Variants in NRCAM observed in about 807,000 individuals in gnomAD.
The protein encoded by NRCAM is neuronal cell adhesion molecule.
Under a neutral mutation model 156.5 loss-of-function variants are expected in NRCAM, and 83 were observed. The observed-to-expected ratio is 0.53, with a 90% CI of 0.44 to 0.64. The LOEUF (loss-of-function observed/expected upper bound fraction) is 0.64. NRCAM is among the 30% of genes least tolerant of loss of function. The probability of loss-of-function intolerance (pLI) is 0.00; values close to 1 mark genes in which losing one functional copy is unlikely to be tolerated. For missense variants in NRCAM, 1,417 were observed against 1,597.3 expected, an observed-to-expected ratio of 0.89 and a Z score of 1.92; for synonymous variants, 538 against 563.9, an observed-to-expected ratio of 0.95 and a Z score of 0.65.
At chr7:108,252,015 A>C (rs1362148724) in intron 3 of NRCAM, among the ~76,000 whole-genome samples, 2 of 152,222 alleles carry the variant, frequency 1.3e-5, no homozygotes, top group African/African-American at 4.8e-5. Context: ...TACAAATGAA[A>C]GGATTGGGTA....
At chr7:108,423,974 C>T (rs1383832677) in intron 1 of NRCAM, among the ~76,000 whole-genome samples, 1 of 152,260 alleles carries the variant, frequency 6.6e-6, no homozygotes, top group South Asian at 2.1e-4. Context: ...GTTAATACCA[C>T]TGTCATCCCC....
chr7:108,389,564 T>C (rs1043105771), intron 2 of NRCAM, among the ~76,000 whole-genome samples: 5 of 152,204 alleles, frequency 3.3e-5, no homozygotes, highest in East Asian at 1.9e-4. Context: ...TCCTGCCTGA[T>C]TGCCCTGGGC....
At chr7:108,222,149 C>T (rs1001168116) in intron 11 of NRCAM, among the ~76,000 whole-genome samples, 1 of 152,130 alleles carries the variant, frequency 6.6e-6, no homozygotes, top group African/African-American at 2.4e-5. Flanking sequence ...TATAGTCAGA[C>T]TAATCTGCAT....
Position 108,201,667 on chromosome 7 carries a change from C to T in NRCAM, c.1208-3568G>A, listed in dbSNP as rs1345566549. Among the ~76,000 whole-genome samples, 3 of 152,188 alleles carry T rather than the reference C, an allele frequency of 2.0e-5. No individual in the cohort carries two copies. The East Asian group carries it at 5.8e-4, about 29-fold the overall frequency. On this transcript the variant is annotated intron_variant, in intron 13 of 32. Transcript: ENST00000379028. ...TAGGACAATTTTCCCCAAGTGGAGA[C>T]TCATCAGTCACAAACAAACCATGTC... is the stretch of plus-strand genomic sequence containing the variant.
In NRCAM at chr7:108,273,925, T is replaced by C. The variant is rs374806452; in HGVS notation, c.-106-33755A>G. 3.3e-5 allele frequency among the ~76,000 whole-genome samples: 5 copies of C among 152,338 alleles called. No homozygotes were observed. In the South Asian group the frequency reaches 1.0e-3, roughly 32 times the overall value. On this transcript the variant is annotated intron_variant, in intron 3 of 32. Transcript: ENST00000379028. Reference sequence around the variant, plus strand: ...ATCTTCAGTTAATTTTTGTGTAAGATGTAAGAAAGGGATCTAGTTTCAACT... The same window carrying C: ...ATCTTCAGTTAATTTTTGTGTAAGACGTAAGAAAGGGATCTAGTTTCAACT...
At chr7:108,281,328 C>T (rs1307171924) in intron 3 of NRCAM, among the ~76,000 whole-genome samples, 1 of 151,986 alleles carries the variant, frequency 6.6e-6, no homozygotes, top group African/African-American at 2.4e-5. Context: ...AATCCCAACA[C>T]TGTGGGCAAT....
intron 3 of NRCAM, among the ~76,000 whole-genome samples, chr7:108,261,069 G>A (rs1385161224): frequency 6.6e-6 from 1 of 152,134 alleles, no homozygotes. Flanking sequence ...AGGAGAAATG[G>A]TGGACAGAAA....
chr7:108,232,194 A>G, intron 7 of NRCAM, 132 bp downstream of exon 7: 1 of 670,174 alleles, frequency 1.5e-6, no homozygotes, highest in East Asian at 2.9e-5. Flanking sequence ...AATAACTTTC[A>G]TGCAAAACAA....
chr7:108,255,512 G>T (rs1370677287), intron 3 of NRCAM, among the ~76,000 whole-genome samples: 5 of 152,090 alleles, frequency 3.3e-5, no homozygotes, highest in Admixed American at 1.3e-4. Context: ...ATCTCGGCTC[G>T]CTACAACCTC....
chr7:108,433,243 C>T (rs1224473478), intron 1 of NRCAM, among the ~76,000 whole-genome samples: 2 of 152,104 alleles, frequency 1.3e-5, no homozygotes, highest in Admixed American at 6.5e-5. Context: ...GCCCCCACCC[C>T]GCAACCCAGC....
intron 2 of NRCAM, among the ~76,000 whole-genome samples, chr7:108,398,539 C>T (rs2099783365): frequency 6.6e-6 from 1 of 152,136 alleles, no homozygotes; most frequent in South Asian, 2.1e-4. Context: ...TCCTTTCACA[C>T]ATATGCCATA....
intron 13 of NRCAM, among the ~76,000 whole-genome samples, chr7:108,200,608 T>C (rs1437173149): frequency 1.3e-5 from 2 of 152,150 alleles, no homozygotes; most frequent in East Asian, 1.9e-4. Context: ...TCTCTGTCAG[T>C]GATTCTTAGC....
chr7:108,328,135 T>A (rs1316724381), intron 2 of NRCAM, among the ~76,000 whole-genome samples: 1 of 152,184 alleles, frequency 6.6e-6, no homozygotes, highest in Non-Finnish European at 1.5e-5. Context: ...CTAAAAATAT[T>A]CAAACCATAT....
intron 1 of NRCAM, among the ~76,000 whole-genome samples, chr7:108,402,797 T>C (rs1357745818): frequency 1.3e-5 from 2 of 152,198 alleles, no homozygotes; most frequent in African/African-American, 2.4e-5. Context: ...CCTTAGAGGC[T>C]GGTGGATGAC....
intron 3 of NRCAM, among the ~76,000 whole-genome samples, chr7:108,255,173 C>CCCTCCCCCT (rs373427692): frequency 9.1e-6 from 1 of 110,196 alleles, no homozygotes; most frequent in African/African-American, 4.8e-5. Flanking sequence ...CTCCCCCTCC[C>CCCTCCCCCT]CCCCCTGCCC....
At chr7:108,321,926 G>A (rs2099006470) in intron 2 of NRCAM, among the ~76,000 whole-genome samples, 1 of 152,160 alleles carries the variant, frequency 6.6e-6, no homozygotes, top group Admixed American at 6.5e-5. Flanking sequence ...TAAACCAGAT[G>A]TAAAGACAGG....
intron 2 of NRCAM, among the ~76,000 whole-genome samples, chr7:108,344,994 A>T (rs2099338961): frequency 6.6e-6 from 1 of 152,222 alleles, no homozygotes; most frequent in Admixed American, 6.5e-5. Flanking sequence ...ATAGAATAGG[A>T]TTCAACTCAA....
intron 3 of NRCAM, among the ~76,000 whole-genome samples, chr7:108,295,668 C>A (rs1465753958): frequency 6.6e-6 from 1 of 152,228 alleles, no homozygotes; most frequent in Non-Finnish European, 1.5e-5. Context: ...CAAACATTCA[C>A]CTCATAGCAT....
rs754251022 is a variant in NRCAM, at chr7:108,168,305, G to A, written c.3285C>T (p.Asn1095=). 2.5e-6 allele frequency: 4 copies of A among 1,600,540 alleles called. No homozygotes were observed. The African/African-American group carries it at 5.4e-5, about 22-fold the overall frequency. Residue 1095 remains asparagine, a synonymous_variant, in exon 29 of 33, where the codon AAC becomes AAT. Transcript: ENST00000379028. ...CTGCTACACCATATTCAACATAAAA[G>A]TTCACATGCTCTGGTCCCTCATATT... is the stretch of plus-strand genomic sequence containing the variant. ...SWEYEGPEHV[N]FYVEYGVAGS...
Sources: allele counts gnomAD v4.1 joint callset (sites outside exome capture counted in the v4.1 genomes callset), GRCh38; gene constraint gnomAD v4.1.1; transcripts MANE v1.5; gene names NCBI Gene and HGNC (gene_info 2026-07-23, HGNC 2026-07-21).